Variants in ZNF841 observed in about 807,000 individuals in gnomAD.
The protein encoded by ZNF841 is TCONS_00006091.
Under a neutral mutation model 13.0 loss-of-function variants are expected in ZNF841, and 11 were observed. That is an observed-to-expected ratio of 0.85 (90% CI 0.53 to 1.40). The LOEUF is 1.40. Ranked by LOEUF, ZNF841 falls within the 40% of genes most tolerant of loss-of-function variation. ZNF841 has a pLI of 0.00. For synonymous variants in ZNF841, 369 were observed against 381.6 expected (o/e 0.97, Z 0.38); for missense variants, 1,068 against 1,139.5 (o/e 0.94, Z 0.90).
chr19:52,085,161 T>C (rs774439134), intron 3 of ZNF841, among the ~76,000 whole-genome samples: 1 of 152,082 alleles, frequency 6.6e-6, no homozygotes, highest in Non-Finnish European at 1.5e-5. Flanking sequence ...TCAAACCCCA[T>C]ACAGAGCACA....
At chr19:52,090,698 A>AGAAC (rs2088460754) in intron 2 of ZNF841, among the ~76,000 whole-genome samples, 1 of 150,824 alleles carries the variant, frequency 6.6e-6, no homozygotes, top group African/African-American at 2.4e-5. Context: ...AAAGAAAGAA[A>AGAAC]GAAAGAAAGA....
the ZNF841 span, among the ~76,000 whole-genome samples, chr19:52,059,457 G>T: frequency 6.9e-6 from 1 of 145,906 alleles, no homozygotes; most frequent in Non-Finnish European, 1.5e-5. Context: ...TATGTAGAAG[G>T]TCCCTTACAT....
Position 52,064,925 on chromosome 19 carries a change from C to T in ZNF841, c.*182G>A. ...CTGGGATTACAGGCATGAGCCAGAC[C>T]TCATGAGAACTATCACAAGGACAGC... On this transcript the variant is annotated 3_prime_UTR_variant, in exon 7 of 7. Coordinates refer to ENST00000594440, the MANE Select transcript of ZNF841 (RefSeq NM_001136499.2). 4.1e-6 allele frequency: 2 copies of T among 482,586 alleles called. No homozygotes were observed. Among genetic ancestry groups the T allele is most frequent in the South Asian group, 9.5e-5 (2 of 20,958 alleles). The allele number at this position is 482,586 out of a possible 1,614,324, so 29.9% of individuals were successfully genotyped here.
At position 52,081,340 on chromosome 19, in the gene ZNF841, T is replaced by G. The variant is rs533376372; in HGVS notation, c.15+3447A>C. 2.2e-4 allele frequency among the ~76,000 whole-genome samples: 33 copies of G among 152,344 alleles called. No homozygotes were observed. The South Asian group carries it at 6.6e-3, about 31-fold the overall frequency. ...AACCATCCATTTTTTTCTGGCTATT[T>G]GTAGTTCATAGTTGGCTCCATCTAT... On this transcript the variant is annotated intron_variant, in intron 4 of 6. Transcript: ENST00000594440.
At chr19:52,095,189 TC>T (rs2088627926) in intron 1 of ZNF841, among the ~76,000 whole-genome samples, 1 of 151,364 alleles carries the variant, frequency 6.6e-6, no homozygotes, top group Non-Finnish European at 1.5e-5. Context: ...CAACGGGGAG[TC>T]AAGAAAAGCA....
At chr19:52,079,294 G>C (rs2088012509) in intron 4 of ZNF841, among the ~76,000 whole-genome samples, 1 of 152,014 alleles carries the variant, frequency 6.6e-6, no homozygotes, top group Non-Finnish European at 1.5e-5. Context: ...AAATAAAACA[G>C]TGATTCAAGA....
intron 6 of ZNF841, among the ~76,000 whole-genome samples, chr19:52,072,490 A>G (rs767158247): frequency 2.6e-5 from 4 of 152,206 alleles, no homozygotes; most frequent in Non-Finnish European, 4.4e-5. Context: ...CATCATAATA[A>G]AATAAAACTA....
chr19:52,084,473 T>G (rs1167506874), intron 4 of ZNF841, among the ~76,000 whole-genome samples: 2 of 152,170 alleles, frequency 1.3e-5, no homozygotes, highest in African/African-American at 2.4e-5. Context: ...GACAGTGCAT[T>G]CAGATGTTGC....
intron 5 of ZNF841, chr19:52,076,451 A>T (rs1046706809): frequency 4.1e-5 from 14 of 341,306 alleles, no homozygotes; most frequent in African/African-American, 2.7e-4. Context: ...TGACTTGAGC[A>T]CAGGAGTTCA....
intron 3 of ZNF841, among the ~76,000 whole-genome samples, chr19:52,086,700 T>C (rs187484445): frequency 6.6e-6 from 1 of 152,230 alleles, no homozygotes; most frequent in East Asian, 1.9e-4. Context: ...TTGGGAAACA[T>C]TCAGAGTCAG....
At chr19:52,080,313 C>T (rs544984947) in intron 4 of ZNF841, among the ~76,000 whole-genome samples, 21 of 152,252 alleles carry the variant, frequency 1.4e-4, no homozygotes, top group African/African-American at 4.3e-4. Flanking sequence ...CTAATTGCCT[C>T]GGGGATAAAT....
chr19:52,075,266 G>GA (rs1479949090), intron 6 of ZNF841, among the ~76,000 whole-genome samples: 1 of 152,164 alleles, frequency 6.6e-6, no homozygotes, highest in Non-Finnish European at 1.5e-5. Flanking sequence ...ACAAGACAGA[G>GA]AAAAACACAG....
chr19:52,067,701 TTATAC>T, intron 6 of ZNF841, 91 bp from the exon 7 acceptor site: 1 of 893,942 alleles, frequency 1.1e-6, no homozygotes, highest in Non-Finnish European at 1.5e-6. Context: ...AACATAATGT[TTATAC>T]TAGCAAGTTG....
At chr19:52,082,479 C>T (rs915292925) in intron 4 of ZNF841, among the ~76,000 whole-genome samples, 2 of 152,064 alleles carry the variant, frequency 1.3e-5, no homozygotes, top group Non-Finnish European at 2.9e-5. Flanking sequence ...AAAATGTAAG[C>T]AAGAAACATG....
At chr19:52,092,924 G>T (rs966297177) in intron 2 of ZNF841, among the ~76,000 whole-genome samples, 1 of 152,212 alleles carries the variant, frequency 6.6e-6, no homozygotes, top group Admixed American at 6.5e-5. Flanking sequence ...TTCGAGACCA[G>T]CCTGGCCAAC....
Position 52,067,622 on chromosome 19 carries a change from A to C in ZNF841, c.272-12T>G. On this transcript the variant is annotated splice_polypyrimidine_tract_variant and intron_variant, in intron 6 of 6. Transcript: ENST00000594440. ...TTTAGGAGAGATACCTGCAAAATAT[A>C]ATGAACATGGGGTTTTAAAATAACT... 1 of 1,461,886 alleles carries C rather than the reference A, an allele frequency of 6.8e-7. No individual in the cohort carries two copies. The highest frequency in any genetic ancestry group is 9.1e-7 in the Non-Finnish European group (1 of 1,102,458). 90.6% of individuals were successfully genotyped at this position (1,461,886 alleles called of 1,614,324 possible). A position where few individuals can be genotyped will look rare whatever the true frequency, so the allele number is the denominator to read the frequency against.
chr19:52,089,265 A>T (rs924489308), intron 2 of ZNF841, among the ~76,000 whole-genome samples: 1 of 152,122 alleles, frequency 6.6e-6, no homozygotes, highest in Non-Finnish European at 1.5e-5. Context: ...ATAATTTAAG[A>T]AGTTTGGCTT....
At chr19:52,060,802 T>C (rs2087384697), downstream of ZNF841, among the ~76,000 whole-genome samples, 5 of 152,194 alleles carry the variant, frequency 3.3e-5, no homozygotes, top group Admixed American at 3.3e-4. Flanking sequence ...TATGCTGCTT[T>C]TATTTATGCT....
chr19:52,071,269 T>C (rs925215550), intron 6 of ZNF841, among the ~76,000 whole-genome samples: 1 of 152,320 alleles, frequency 6.6e-6, no homozygotes, highest in South Asian at 2.1e-4. Context: ...TCCAGGTATA[T>C]GCTCAACAAC....
Sources: allele counts gnomAD v4.1 joint callset (sites outside exome capture counted in the v4.1 genomes callset), GRCh38; gene constraint gnomAD v4.1.1; transcripts MANE v1.5; gene names NCBI Gene and HGNC (gene_info 2026-07-23, HGNC 2026-07-21).